The following RCBTB2 variants were observed in gnomAD, a reference collection of about 807,000 sequenced individuals.
The protein encoded by RCBTB2 is RCC1 and BTB domain containing protein 2.
RCBTB2 carries 55 observed loss-of-function variants against 65.4 expected under a neutral mutation model. The ratio of observed to expected loss-of-function variants is 0.84; its 90% CI spans 0.68 to 1.05. The LOEUF (loss-of-function observed/expected upper bound fraction) is 1.05. RCBTB2 is among the 50% of genes least tolerant of loss of function. The pLI is 0.00. For missense variants in RCBTB2, 599 were observed against 680.1 expected (o/e 0.88, Z 1.33); for synonymous variants, 220 against 255.2 (o/e 0.86, Z 1.31).
chr13:48,515,738 C>A lies in RCBTB2; in HGVS notation c.46G>T (p.Val16Leu), dbSNP rs772923098. ...TTCAAAGATGACAGAGTAGCCTGTA[C>A]TGGCTGAAAAGGAAAAAATATATGT... Reference protein sequence around the residue: ...PLFSGDSGKPVQATLSSLKML... With the variant: ...PLFSGDSGKPLQATLSSLKML... The change falls in exon 5 of 15, where the codon GTA becomes TTA. Residue 16 changes from valine to leucine, a missense_variant. By Grantham distance (32) the Val-to-Leu change is conservative. Coordinates refer to ENST00000344532, the MANE Select transcript of RCBTB2 (RefSeq NM_001268.4). The A allele has an allele frequency of 6.3e-7, 1 of 1,593,090 alleles. No homozygotes were observed. The highest frequency in any genetic ancestry group is 8.5e-7 in the Non-Finnish European group (1 of 1,174,922).
chr13:48,523,293 G>A (rs1951525643), intron 2 of RCBTB2, among the ~76,000 whole-genome samples: 1 of 152,026 alleles, frequency 6.6e-6, no homozygotes, highest in Non-Finnish European at 1.5e-5. Context: ...TACCCAAATG[G>A]GCTGGGACCT....
At chr13:48,505,216 G>C (rs1364351717) in intron 10 of RCBTB2, among the ~76,000 whole-genome samples, 1 of 152,132 alleles carries the variant, frequency 6.6e-6, no homozygotes, top group African/African-American at 2.4e-5. Flanking sequence ...GGTGGTGTGA[G>C]AATCAAGTGA....
intron 13 of RCBTB2, 27 bp from the exon 14 acceptor site, chr13:48,496,348 G>A: frequency 6.6e-7 from 1 of 1,508,620 alleles, no homozygotes; most frequent in Non-Finnish European, 8.9e-7. Context: ...TTTATTAGGG[G>A]GAGTGATTTC....
At chr13:48,499,142 A>ACACACACACACACACACACACC (rs1366425462) in intron 13 of RCBTB2, among the ~76,000 whole-genome samples, 1 of 132,290 alleles carries the variant, frequency 7.6e-6, no homozygotes, top group Non-Finnish European at 1.6e-5. Flanking sequence ...ACACACACAC[A>ACACACACACACACACACACACC]CTCTCTCTCT....
upstream of RCBTB2, among the ~76,000 whole-genome samples, chr13:48,533,698 G>A (rs554434880): frequency 1.6e-3 from 248 of 152,294 alleles, no homozygotes; most frequent in African/African-American, 5.7e-3. Context: ...ATATTTTGCA[G>A]TAATTTATTA....
intron 10 of RCBTB2, among the ~76,000 whole-genome samples, chr13:48,503,791 C>T (rs980320585): frequency 6.6e-6 from 1 of 152,198 alleles, no homozygotes; most frequent in East Asian, 1.9e-4. Context: ...TCAAATGATC[C>T]GCCCACCTTG....
At chr13:48,515,853 C>T (rs1951058402) in intron 4 of RCBTB2, 112 bp from the exon 5 acceptor site, 4 of 1,114,226 alleles carry the variant, frequency 3.6e-6, no homozygotes, top group South Asian at 3.2e-5. Flanking sequence ...CACACTGCAT[C>T]CATTTTTGAG....
rs1952270667 is a variant in RCBTB2, at chr13:48,533,074, T to C, written c.-265A>G. On this transcript the variant is annotated 5_prime_UTR_variant, in exon 1 of 15. Transcript: ENST00000344532. ...GTCCGCTCCGCCTCCTGGGTAGCGGTTACTGCACGGTCAGGGGCCCGGCGC... is the reference window on the plus strand; with the variant it reads ...GTCCGCTCCGCCTCCTGGGTAGCGGCTACTGCACGGTCAGGGGCCCGGCGC... 1 of 453,882 alleles carries C rather than the reference T, an allele frequency of 2.2e-6. No individual in the cohort carries two copies. 28.1% of individuals were successfully genotyped at this position (453,882 alleles called of 1,614,324 possible).
intron 14 of RCBTB2, among the ~76,000 whole-genome samples, chr13:48,490,714 A>G (rs1949663298): frequency 6.6e-6 from 1 of 152,206 alleles, no homozygotes; most frequent in Non-Finnish European, 1.5e-5. Context: ...ATGCCAAGAA[A>G]TTGCTGCTCT....
intron 4 of RCBTB2, among the ~76,000 whole-genome samples, chr13:48,520,819 T>C (rs1951381392): frequency 6.6e-6 from 1 of 151,232 alleles, no homozygotes; most frequent in African/African-American, 2.4e-5. Flanking sequence ...GAATCAAAAT[T>C]ACGTTAGGCA....
intron 2 of RCBTB2, among the ~76,000 whole-genome samples, chr13:48,523,323 C>A (rs900539498): frequency 2.0e-5 from 3 of 152,194 alleles, no homozygotes; most frequent in African/African-American, 7.2e-5. Flanking sequence ...ATTTCCACAG[C>A]ACTTTTTGTT....
rs1018652522 is a variant in RCBTB2 at position 48,532,612 on chromosome 13, G to A, written c.-219+416C>T. 24 of 197,778 alleles carry A rather than the reference G, an allele frequency of 1.2e-4. No homozygotes were observed. The East Asian group carries it at 1.3e-3, about 11-fold the overall frequency. 12.3% of individuals were successfully genotyped at this position (197,778 alleles called of 1,614,324 possible). ...GACGTGGGAGCTTAGGATGAGAGCG[G>A]CCTCCGAGCAGATGATCACCCTGGA... On this transcript the variant is annotated intron_variant, in intron 1 of 14. Coordinates refer to ENST00000344532, the MANE Select transcript of RCBTB2 (RefSeq NM_001268.4).
At position 48,515,331 on chromosome 13, in the gene RCBTB2, A is replaced by G; in HGVS notation, c.223T>C (p.Cys75Arg). 1 of 1,614,054 alleles carries G rather than the reference A, an allele frequency of 6.2e-7. No homozygotes were observed. The highest frequency in any genetic ancestry group is 2.2e-5 in the East Asian group (1 of 44,886). The change falls in exon 6 of 15, where the codon TGT becomes CGT. Residue 75 changes from cysteine (C) to arginine (R), a missense_variant. By Grantham distance (180) the Cys-to-Arg change is radical. Transcript: ENST00000344532. ...ACGTCACCTAACCCCAAACAGCCACAGCAGTTTGTGCCAAGCACAAAAATC... is the reference window on the plus strand; with the variant it reads ...ACGTCACCTAACCCCAAACAGCCACGGCAGTTTGTGCCAAGCACAAAAATC... ...DEIFVLGTNC[C>R]GCLGLGDVQS...
rs181447042 is a variant in RCBTB2 at position 48,508,862 on chromosome 13, C to T, written c.926+1767G>A. ...CTACTTTTTCTTTCTCCCACCTTGA[C>T]GCCCCACAATCCATCTGCCCCAGTG... On this transcript the variant is annotated intron_variant, in intron 10 of 14. Transcript: ENST00000344532. Among the ~76,000 whole-genome samples the T allele has an allele frequency of 4.9e-3, 744 of 152,308 alleles. 6 individuals are homozygous for T. The highest frequency in any genetic ancestry group is 0.017 in the African/African-American group (714 of 41,564).
At chr13:48,518,109 A>G (rs575831553) in intron 4 of RCBTB2, among the ~76,000 whole-genome samples, 1 of 152,316 alleles carries the variant, frequency 6.6e-6, no homozygotes, top group South Asian at 2.1e-4. Flanking sequence ...TGCCCTGATG[A>G]TGCCTTGATT....
chr13:48,532,871 T>C (rs1952247370), intron 1 of RCBTB2, 157 bp downstream of exon 1: 2 of 395,084 alleles, frequency 5.1e-6, no homozygotes, highest in African/African-American at 2.1e-5. Context: ...TGTGGCACGG[T>C]CGCGGCTCTA....
chr13:48,512,677 C>T, intron 7 of RCBTB2, 52 bp downstream of exon 7: 1 of 1,459,798 alleles, frequency 6.9e-7, no homozygotes, highest in South Asian at 1.2e-5. Flanking sequence ...CTATAGAAGT[C>T]TACATAATCT....
rs1333080888 is a variant in RCBTB2, at chr13:48,522,534, TC to T, written c.-119-132del. 5.2e-5 allele frequency: 31 copies of T among 598,472 alleles called. No individual in the cohort carries two copies. The South Asian group carries it at 5.9e-4, about 11-fold the overall frequency. The allele number at this position is 598,472 out of a possible 1,614,324, so 37.1% of individuals were successfully genotyped here. ...AAATATGTAGCAATGCACTAAATGT[TC>T]TTGCCTTAATAACCATGCCCACATC... On this transcript the variant is annotated intron_variant, in intron 2 of 14. Transcript: ENST00000344532.
chr13:48,525,373 GATATATATATATAT>G (rs59350616), intron 1 of RCBTB2, among the ~76,000 whole-genome samples: 3,701 of 54,524 alleles, frequency 0.068, 198 homozygotes, highest in African/African-American at 0.14. Context: ...AAGGATTCAT[GATATATATATATAT>G]ATATATATAT....
Sources: gnomAD v4.1 joint callset for allele counts (sites outside exome capture counted in the v4.1 genomes callset) on GRCh38, gnomAD v4.1.1 for gene constraint, MANE v1.5 for transcripts, NCBI Gene and HGNC (gene_info 2026-07-23, HGNC 2026-07-21) for gene names.